TBX19: variants seen among roughly 807,000 people sequenced by gnomAD.
The protein encoded by TBX19 is T-box transcription factor TBX19.
A neutral mutation model predicts 40.9 loss-of-function variants in TBX19; 33 were observed. The ratio of observed to expected loss-of-function variants is 0.81; its 90% confidence interval spans 0.61 to 1.08. The LOEUF (loss-of-function observed/expected upper bound fraction) is 1.08, where lower values mean the gene tolerates loss of function less well. TBX19 is among the 50% of genes least tolerant of loss of function. The probability of loss-of-function intolerance (pLI) is 0.00; values close to 1 mark genes in which losing one functional copy is unlikely to be tolerated. For synonymous variants in TBX19, 220 were observed against 225.0 expected, an observed-to-expected ratio of 0.98 and a Z score of 0.20; for missense variants, 494 against 574.0, an observed-to-expected ratio of 0.86 and a Z score of 1.42.
intron 3 of TBX19, 150 bp from the exon 4 acceptor site, chr1:168,297,574 A>T (rs1167245534): frequency 9.5e-6 from 7 of 733,618 alleles, no homozygotes; most frequent in Non-Finnish European, 7.5e-6. Context: ...TGCCTCTCAG[A>T]GTGCTGGGAT....
chr1:168,296,796 C>G (rs1649117194), intron 3 of TBX19, among the ~76,000 whole-genome samples: 1 of 152,114 alleles, frequency 6.6e-6, no homozygotes, highest in Non-Finnish European at 1.5e-5. Context: ...ATCACTTGAA[C>G]CCAGGTGGCA....
At chr1:168,307,480 G>C (rs1418906034) in intron 6 of TBX19, among the ~76,000 whole-genome samples, 1 of 152,094 alleles carries the variant, frequency 6.6e-6, no homozygotes, top group Non-Finnish European at 1.5e-5. Context: ...CCTGAGGGTA[G>C]AGCCCCCATG....
chr1:168,293,188 A>G lies in TBX19; in HGVS notation c.513A>G (p.Ile171Met). 1.2e-6 allele frequency: 2 copies of G among 1,613,986 alleles called. No individual in the cohort carries two copies. The highest frequency in any genetic ancestry group is 1.7e-6 in the Non-Finnish European group (2 of 1,179,956). The change falls in exon 3 of 8, where the codon ATA becomes ATG. Residue 171 changes from isoleucine (I) to methionine (M), a missense_variant. By Grantham distance (10) the Ile-to-Met change is conservative. This residue lies in a region of TBX19 where 201 missense variants were observed against 235.2 expected (regional missense o/e 0.85). Coordinates refer to ENST00000367821, the MANE Select transcript of TBX19 (RefSeq NM_005149.3). ...ATAAATATGAACCCCAGGTTCACAT[A>G]GTGCGTGTTGGAAGTGCCCATCGAA... ...SLHKYEPQVH[I>M]VRVGSAHRMV...
chr1:168,309,058 A>G (rs533396067), intron 7 of TBX19, among the ~76,000 whole-genome samples, 181 bp downstream of exon 7: 7 of 152,284 alleles, frequency 4.6e-5, no homozygotes, highest in Non-Finnish European at 8.8e-5. Flanking sequence ...GAAACAGCTC[A>G]GTCATATACT....
chr1:168,300,651 G>C lies in TBX19; in HGVS notation c.727+168G>C, dbSNP rs139102840. Among the ~76,000 whole-genome samples, 1,118 of 152,302 alleles carry C rather than the reference G, an allele frequency of 7.3e-3. 15 individuals carry two copies. Among genetic ancestry groups the C allele is most frequent in the African/African-American group, 0.023 (946 of 41,542 alleles). ...AATTTGTGCCCTTTCCAGAATTCCAGAGAGAGAGCCAATGGTCCTAGGCTT... is the reference window on the plus strand; with the variant it reads ...AATTTGTGCCCTTTCCAGAATTCCACAGAGAGAGCCAATGGTCCTAGGCTT... On this transcript the variant is annotated intron_variant, in intron 5 of 7. Transcript: ENST00000367821.
intron 6 of TBX19, among the ~76,000 whole-genome samples, chr1:168,307,863 C>T (rs573482691): frequency 3.9e-5 from 6 of 152,194 alleles, no homozygotes; most frequent in African/African-American, 1.2e-4. Flanking sequence ...TACTTTTTTT[C>T]ATGATGAGAG....
rs72183595 is a variant in TBX19, at chr1:168,308,144, A to AT, written c.917-584dup. The AT allele has an allele frequency of 8.7e-3, 1,277 of 146,862 alleles. 5 individuals are homozygous for AT. Among genetic ancestry groups the AT allele is most frequent in the Non-Finnish European group, 0.013 (860 of 66,592 alleles). 9.1% of individuals were successfully genotyped at this position (146,862 alleles called of 1,614,324 possible). A position where few individuals can be genotyped will look rare whatever the true frequency, so the allele number is the denominator to read the frequency against. ...TGTAAAAAGGTATGTTTTTTTCTTA[A>AT]TTTTTTTTTTTTTTAATTGTAGAGA... On this transcript the variant is annotated intron_variant, in intron 6 of 7. Coordinates refer to ENST00000367821, the MANE Select transcript of TBX19 (RefSeq NM_005149.3).
intron 5 of TBX19, among the ~76,000 whole-genome samples, chr1:168,304,646 T>A (rs1030328654): frequency 6.6e-6 from 1 of 152,214 alleles, no homozygotes; most frequent in African/African-American, 2.4e-5. Context: ...AGAGAAGGAT[T>A]ACTATTATTT....
rs774075293 is a variant in TBX19, at chr1:168,305,166, G to A, written c.886G>A (p.Ala296Thr). 2.5e-6 allele frequency: 4 copies of A among 1,613,098 alleles called. No homozygotes were observed. In the Admixed American group the frequency reaches 6.7e-5, roughly 27 times the overall value. ...RGHRQAPYPS[A>T]YMHRNHSPSV... The stretch of plus-strand genomic sequence containing the variant: ...ACACCGGCAGGCTCCCTACCCTTCT[G>A]CGTACATGCACAGAAACCATTCTCC... Residue 296 changes from alanine (A) to threonine (T), a missense_variant, in exon 6 of 8, where the codon GCG becomes ACG. Around this residue, in one of 3 missense-constraint regions of TBX19, gnomAD observed 284 missense variants for 307.3 expected, o/e 0.92. Coordinates refer to ENST00000367821, the MANE Select transcript of TBX19 (RefSeq NM_005149.3).
At chr1:168,305,296 A>C in intron 6 of TBX19, 100 bp downstream of exon 6, 1 of 1,096,292 alleles carries the variant, frequency 9.1e-7, no homozygotes, top group Non-Finnish European at 1.4e-6. Flanking sequence ...CTAAAGATGG[A>C]ACCCCGTCAT....
rs147003438 is a variant in TBX19 at position 168,312,965 on chromosome 1, C to T, written c.1310C>T (p.Ala437Val). 1.0e-4 allele frequency: 168 copies of T among 1,614,202 alleles called. No individual in the cohort carries two copies. The highest frequency in any genetic ancestry group is 1.3e-4 in the Non-Finnish European group (151 of 1,180,030). Residue 437 changes from alanine to valine, a missense_variant, in exon 8 of 8, where the codon GCG (alanine) becomes GTG (valine). This residue lies in a region of TBX19 where 284 missense variants were observed against 307.3 expected (regional missense o/e 0.92). Coordinates refer to ENST00000367821, the MANE Select transcript of TBX19 (RefSeq NM_005149.3). ...TTCGCGGGCTGGGGTGGCCCAGGAG[C>T]GGGTGGGCACCATTCTCCTTCCTCA... is the stretch of plus-strand genomic sequence containing the variant. ...HPFAGWGGPG[A>V]GGHHSPSSLD...
chr1:168,288,856 G>A (rs775752137), intron 1 of TBX19, among the ~76,000 whole-genome samples: 1 of 151,872 alleles, frequency 6.6e-6, no homozygotes. Context: ...GACCTTCCAT[G>A]CTCAAGTGAT....
intron 1 of TBX19, among the ~76,000 whole-genome samples, chr1:168,285,501 G>A (rs1648783138): frequency 1.3e-5 from 2 of 152,138 alleles, no homozygotes; most frequent in South Asian, 4.1e-4. Flanking sequence ...CTGACTTCTG[G>A]AGATTCCCTG....
Position 168,300,493 on chromosome 1 carries a change from G to A in TBX19, c.727+10G>A, listed in dbSNP as rs1481693500. The A allele has an allele frequency of 1.2e-6, 2 of 1,613,934 alleles. No individual in the cohort carries two copies. On this transcript the variant is annotated intron_variant, in intron 5 of 7. Transcript: ENST00000367821. ...GTGACCTATTCTCACTGTGAGTTGG[G>A]TGTACATGAGGCGGGAGGTGCGTGG... is the stretch of plus-strand genomic sequence containing the variant.
chr1:168,293,338 G>A, intron 3 of TBX19, 60 bp downstream of exon 3: 2 of 1,532,692 alleles, frequency 1.3e-6, no homozygotes, highest in Non-Finnish European at 1.8e-6. Flanking sequence ...ACTGTCACCT[G>A]GGAGATCATG....
rs1000533 is a variant in TBX19 at position 168,313,253 on chromosome 1, T to C, written c.*251T>C. 0.3 allele frequency: 173,137 copies of C among 569,606 alleles called. 29,385 individuals are homozygous for C. Among genetic ancestry groups the C allele is most frequent in the Non-Finnish European group, 0.37 (117,025 of 319,090 alleles). 35.3% of individuals were successfully genotyped at this position (569,606 alleles called of 1,614,324 possible). The stretch of plus-strand genomic sequence containing the variant: ...GCAGCTTATTCTTGCCATGCTTAGG[T>C]GACAGAAGTTTGTTAAGTACCATCC... On this transcript the variant is annotated 3_prime_UTR_variant, in exon 8 of 8. Coordinates refer to ENST00000367821, the MANE Select transcript of TBX19 (RefSeq NM_005149.3).
intron 1 of TBX19, among the ~76,000 whole-genome samples, chr1:168,286,173 A>G (rs991149901): frequency 5.9e-5 from 9 of 152,218 alleles, no homozygotes; most frequent in African/African-American, 2.2e-4. Flanking sequence ...TCATTCTACC[A>G]TTTCCCAGAT....
At chr1:168,291,648 A>G (rs569966584) in intron 2 of TBX19, among the ~76,000 whole-genome samples, 1 of 152,300 alleles carries the variant, frequency 6.6e-6, no homozygotes, top group Non-Finnish European at 1.5e-5. Context: ...GTGAGAGAGC[A>G]GTGGTTTACT....
In TBX19 at chr1:168,291,417, G is replaced by A. The variant is rs1283111735; in HGVS notation, c.461G>A (p.Gly154Asp). ...KVKLTNKLNG[G>D]GQIMLNSLHK... ...AAGCTGACCAACAAGCTCAATGGAG[G>A]CGGGCAGGTACGAATGAGGCGGGCA... The change falls in exon 2 of 8, where the codon GGC becomes GAC. Residue 154 changes from glycine to aspartate, a missense_variant. Physicochemically the swap from Gly to Asp is moderately conservative, Grantham distance 94. Transcript: ENST00000367821. 16 of 1,614,128 alleles carry A rather than the reference G, an allele frequency of 9.9e-6. No individual in the cohort carries two copies. Among genetic ancestry groups the A allele is most frequent in the Non-Finnish European group, 1.4e-5 (16 of 1,180,030 alleles).
Sources: allele counts gnomAD v4.1 joint callset (sites outside exome capture counted in the v4.1 genomes callset), GRCh38; gene constraint gnomAD v4.1.1; regional missense constraint gnomAD v4.1.1; transcripts MANE v1.5; gene names NCBI Gene and HGNC (gene_info 2026-07-23, HGNC 2026-07-21).